Variants in KCNAB1 observed in about 807,000 individuals in gnomAD.
KCNAB1 encodes voltage-gated potassium channel subunit beta-1.
KCNAB1 carries 35 observed loss-of-function variants against 64.6 expected under a neutral mutation model. The ratio of observed to expected loss-of-function variants is 0.54; its 90% CI spans 0.41 to 0.72. The LOEUF is 0.72. Ranked by LOEUF, KCNAB1 falls within the 30% of genes least tolerant of loss-of-function variation. The pLI, the probability that KCNAB1 is intolerant of heterozygous loss-of-function variation, is 0.00. For synonymous variants in KCNAB1, 177 were observed against 183.8 expected (o/e 0.96, Z 0.30); for missense variants, 401 against 512.9 (o/e 0.78, Z 2.11).
chr3:156,495,051 G>A (rs1030624850), intron 8 of KCNAB1, among the ~76,000 whole-genome samples: 2 of 152,038 alleles, frequency 1.3e-5, no homozygotes, highest in East Asian at 3.9e-4. Flanking sequence ...ACAGGCCCCA[G>A]TGTGTGTGCC....
At chr3:156,529,119 G>A (rs1006228288) in intron 12 of KCNAB1, among the ~76,000 whole-genome samples, 8 of 152,142 alleles carry the variant, frequency 5.3e-5, no homozygotes, top group African/African-American at 1.9e-4. Flanking sequence ...TTGTCAAACT[G>A]AGCCCTGTAT....
chr3:156,209,738 G>A (rs1714897234), intron 1 of KCNAB1, among the ~76,000 whole-genome samples: 1 of 152,172 alleles, frequency 6.6e-6, no homozygotes, highest in African/African-American at 2.4e-5. Flanking sequence ...CTCAATATTG[G>A]TGTGTCTGCA....
intron 11 of KCNAB1, among the ~76,000 whole-genome samples, chr3:156,522,955 G>T (rs1415981005): frequency 2.0e-5 from 3 of 152,188 alleles, no homozygotes; most frequent in Admixed American, 2.0e-4. Flanking sequence ...CCTGGGTGTT[G>T]CTGCTTAAGT....
chr3:156,351,797 G>T (rs1314154549), intron 1 of KCNAB1, among the ~76,000 whole-genome samples: 1 of 152,156 alleles, frequency 6.6e-6, no homozygotes, highest in Non-Finnish European at 1.5e-5. Flanking sequence ...GCAATTCAGG[G>T]TCTCTCTCCC....
intron 1 of KCNAB1, among the ~76,000 whole-genome samples, chr3:156,365,947 C>T (rs994067372): frequency 2.0e-5 from 3 of 152,114 alleles, no homozygotes; most frequent in African/African-American, 7.2e-5. Context: ...CAGGGGTGGG[C>T]TCACTGTTTA....
chr3:156,204,460 A>G (rs1560135244), intron 1 of KCNAB1, among the ~76,000 whole-genome samples: 1 of 152,204 alleles, frequency 6.6e-6, no homozygotes, highest in Non-Finnish European at 1.5e-5. Flanking sequence ...TTTCAAAGTT[A>G]CCAGCATATA....
intron 8 of KCNAB1, among the ~76,000 whole-genome samples, chr3:156,492,958 C>T (rs1319083397): frequency 6.6e-6 from 1 of 152,088 alleles, no homozygotes; most frequent in Non-Finnish European, 1.5e-5. Flanking sequence ...TGTTACAAGC[C>T]TTTGAGCATT....
At chr3:156,267,427 C>G (rs1328660169) in intron 1 of KCNAB1, among the ~76,000 whole-genome samples, 1 of 152,150 alleles carries the variant, frequency 6.6e-6, no homozygotes, top group Non-Finnish European at 1.5e-5. Context: ...CCCTTGACCC[C>G]CAACCAGAAT....
At chr3:156,499,945 C>A (rs1716277860) in intron 8 of KCNAB1, among the ~76,000 whole-genome samples, 1 of 152,160 alleles carries the variant, frequency 6.6e-6, no homozygotes, top group Non-Finnish European at 1.5e-5. Context: ...CCAGCAGCCA[C>A]CCTGCTTTCT....
At chr3:156,404,082 A>G (rs1475554004) in intron 1 of KCNAB1, among the ~76,000 whole-genome samples, 1 of 152,122 alleles carries the variant, frequency 6.6e-6, no homozygotes, top group African/African-American at 2.4e-5. Flanking sequence ...AATACAATGC[A>G]TAGTTGATGT....
At position 156,205,802 on chromosome 3, in the gene KCNAB1, T is replaced by A. The variant is rs144885530; in HGVS notation, c.275+84916T>A. 2.9e-3 allele frequency among the ~76,000 whole-genome samples: 437 copies of A among 152,328 alleles called. 5 individuals are homozygous for A. The highest frequency in any genetic ancestry group is 0.01 in the African/African-American group (420 of 41,578). The stretch of plus-strand genomic sequence containing the variant: ...TGGCCTTGTCAATACCCTGACTAGA[T>A]GCTTTAATGCCTTTAAGGATAAGAA... On this transcript the variant is annotated intron_variant, in intron 1 of 13. Coordinates refer to ENST00000490337, the MANE Select transcript of KCNAB1 (RefSeq NM_172160.3).
chr3:156,275,902 G>T (rs771344246), intron 1 of KCNAB1, among the ~76,000 whole-genome samples: 18 of 151,640 alleles, frequency 1.2e-4, no homozygotes, highest in Non-Finnish European at 2.9e-5. Context: ...TGCTAATGTT[G>T]ATATTTGACA....
intron 1 of KCNAB1, among the ~76,000 whole-genome samples, chr3:156,266,657 C>T (rs116578780): frequency 3.5e-4 from 54 of 152,284 alleles, no homozygotes; most frequent in African/African-American, 1.2e-3. Flanking sequence ...ATATTCCATG[C>T]ATAATTATTG....
intron 1 of KCNAB1, among the ~76,000 whole-genome samples, chr3:156,283,064 T>C (rs1430203070): frequency 4.0e-5 from 6 of 151,820 alleles, no homozygotes; most frequent in South Asian, 2.1e-4. Context: ...CTAGTCTTGA[T>C]GGTCTTTACA....
chr3:156,317,686 G>T (rs1219818531), intron 1 of KCNAB1, among the ~76,000 whole-genome samples: 1 of 152,168 alleles, frequency 6.6e-6, no homozygotes, highest in Admixed American at 6.5e-5. Context: ...GAAGGGAAAA[G>T]AATGGCTATA....
chr3:156,447,695 G>C (rs7650612), intron 2 of KCNAB1, among the ~76,000 whole-genome samples: 33,877 of 151,878 alleles, frequency 0.22, 7,135 homozygotes, highest in African/African-American at 0.56. Context: ...GACTGAGGAA[G>C]TGTCACATAT....
intron 8 of KCNAB1, among the ~76,000 whole-genome samples, chr3:156,505,876 TTTA>T (rs1716803989): frequency 6.6e-6 from 1 of 152,060 alleles, no homozygotes; most frequent in Non-Finnish European, 1.5e-5. Context: ...CCCAGACTCT[TTTA>T]AACAACCAGC....
rs990767907 is a variant in KCNAB1, at chr3:156,156,567, G to A, written c.275+35681G>A. Among the ~76,000 whole-genome samples, 5 of 152,148 alleles carry A rather than the reference G, an allele frequency of 3.3e-5. No homozygotes were observed. The South Asian group carries it at 1.0e-3, about 32-fold the overall frequency. ...TATAAAAGTAGCATCAGGAGGATTT[G>A]AAAAATAAATGGATATGATATGCAA... On this transcript the variant is annotated intron_variant, in intron 1 of 13. Transcript: ENST00000490337.
At chr3:156,223,831 G>A (rs1715956401) in intron 1 of KCNAB1, among the ~76,000 whole-genome samples, 1 of 152,232 alleles carries the variant, frequency 6.6e-6, no homozygotes, top group Admixed American at 6.5e-5. Flanking sequence ...ACCAGACTCA[G>A]GAGCCCAGCT....
Sources: gnomAD v4.1 joint callset for allele counts (sites outside exome capture counted in the v4.1 genomes callset) on GRCh38, gnomAD v4.1.1 for gene constraint, MANE v1.5 for transcripts, NCBI Gene and HGNC (gene_info 2026-07-23, HGNC 2026-07-21) for gene names.